SERTAD4: variants seen among roughly 807,000 people sequenced by gnomAD.
SERTAD4 encodes SERTA domain containing 4, also known as SERTA domain-containing protein 4.
A neutral mutation model predicts 32.9 loss-of-function variants in SERTAD4; 18 were observed. The ratio of observed to expected loss-of-function variants is 0.55; its 90% CI spans 0.38 to 0.81. The LOEUF is 0.81. Ranked by LOEUF, SERTAD4 falls within the 30% of genes least tolerant of loss-of-function variation. The pLI, the probability that SERTAD4 is intolerant of heterozygous loss-of-function variation, is 0.00. For missense variants in SERTAD4, 383 were observed against 426.0 expected (o/e 0.90, Z 0.89); for synonymous variants, 150 against 156.4 (o/e 0.96, Z 0.30).
chr1:210,238,155 C>A lies in SERTAD4; in HGVS notation c.175+20C>A. 1.4e-6 allele frequency: 2 copies of A among 1,463,224 alleles called. No individual in the cohort carries two copies. Among genetic ancestry groups the A allele is most frequent in the Non-Finnish European group, 1.9e-6 (2 of 1,070,848 alleles). The allele number at this position is 1,463,224 out of a possible 1,614,324, so 90.6% of individuals were successfully genotyped here. On this transcript the variant is annotated intron_variant, in intron 2 of 3. Coordinates refer to ENST00000367012, the MANE Select transcript of SERTAD4 (RefSeq NM_019605.5). Reference sequence around the variant, plus strand: ...TGGCAGGTATTGCCCTTGACCTGCGCCCATCCCCCCCACCCCTCGCTGCCC... The same window carrying A: ...TGGCAGGTATTGCCCTTGACCTGCGACCATCCCCCCCACCCCTCGCTGCCC...
intron 2 of SERTAD4, among the ~76,000 whole-genome samples, chr1:210,238,895 T>G (rs896028828): frequency 2.0e-5 from 3 of 152,198 alleles, no homozygotes; most frequent in Non-Finnish European, 4.4e-5. Context: ...TAAAAAAGAT[T>G]AAAAACTGTG....
chr1:210,239,732 G>A, intron 3 of SERTAD4, 124 bp downstream of exon 3: 3 of 575,556 alleles, frequency 5.2e-6, no homozygotes, highest in Admixed American at 4.0e-5. Flanking sequence ...CTTCTCAGTG[G>A]AGCCTCATTA....
Position 210,238,090 on chromosome 1 carries a change from C to A in SERTAD4, c.130C>A (p.Gln44Lys). ...YGGPSPPGPA[Q>K]APLQGDRGAG... Reference sequence around the variant, plus strand: ...AGGCCCAAGCCCCCCAGGGCCAGCACAAGCTCCTTTGCAGGGAGACCGGGG... The same window carrying A: ...AGGCCCAAGCCCCCCAGGGCCAGCAAAAGCTCCTTTGCAGGGAGACCGGGG... The change falls in exon 2 of 4, where the codon CAA becomes AAA. Residue 44 changes from glutamine (Q) to lysine (K), a missense_variant. By Grantham distance (53) the Gln-to-Lys change is moderately conservative (BLOSUM62 1). Around this residue, in one of 3 missense-constraint regions of SERTAD4, gnomAD observed 96 missense variants for 76.6 expected, o/e 1.25. Transcript: ENST00000367012. The A allele has an allele frequency of 6.2e-7, 1 of 1,613,192 alleles. No individual in the cohort carries two copies. Among genetic ancestry groups the A allele is most frequent in the Non-Finnish European group, 8.5e-7 (1 of 1,179,748 alleles).
chr1:210,244,033 T>A lies in SERTAD4; in HGVS notation c.*1696T>A, dbSNP rs1447269004. On this transcript the variant is annotated 3_prime_UTR_variant, in exon 4 of 4. Coordinates refer to ENST00000367012, the MANE Select transcript of SERTAD4 (RefSeq NM_019605.5). Reference sequence around the variant, plus strand: ...GTTCAAAACTTAGCTAATAGATGCTTGTATATGAATGTGTTGTAATAAAGT... The same window carrying A: ...GTTCAAAACTTAGCTAATAGATGCTAGTATATGAATGTGTTGTAATAAAGT... 1 of 152,220 alleles carries A rather than the reference T, an allele frequency of 6.6e-6. No individual in the cohort carries two copies. The highest frequency in any genetic ancestry group is 1.9e-4 in the East Asian group (1 of 5,206). 9.4% of individuals were successfully genotyped at this position (152,220 alleles called of 1,614,324 possible).
rs899955905 is a variant in SERTAD4, at chr1:210,242,517, G to A, written c.*180G>A. ...ACATCTGTATAGCAGGCATCAGCGA[G>A]CTTCTTATAAATGTGGTGATTTTTA... On this transcript the variant is annotated 3_prime_UTR_variant, in exon 4 of 4. Transcript: ENST00000367012. The surrounding 1 kb of genome is among the most constrained non-coding windows in gnomAD (Gnocchi z 4.0). 64 of 1,336,484 alleles carry A rather than the reference G, an allele frequency of 4.8e-5. No individual in the cohort carries two copies. The highest frequency in any genetic ancestry group is 5.4e-4 in the Middle Eastern group (2 of 3,724). 82.8% of individuals were successfully genotyped at this position (1,336,484 alleles called of 1,614,324 possible). A position where few individuals can be genotyped will look rare whatever the true frequency, so the allele number is the denominator to read the frequency against.
downstream of SERTAD4, chr1:210,246,309 T>A (rs1312595001): frequency 6.5e-6 from 1 of 152,912 alleles, no homozygotes; most frequent in East Asian, 1.9e-4. Flanking sequence ...TATATTATCT[T>A]GACATGGCTA....
chr1:210,241,527 T>TC, intron 3 of SERTAD4, 31 bp from the exon 4 acceptor site: 2 of 1,395,930 alleles, frequency 1.4e-6, no homozygotes, highest in Non-Finnish European at 1.8e-6. Flanking sequence ...TTTCTGTTTG[T>TC]TTTTTTCTTT....
downstream of SERTAD4, chr1:210,246,390 C>G (rs1328052576): frequency 2.4e-5 from 4 of 165,858 alleles, no homozygotes; most frequent in Non-Finnish European, 3.7e-5. Context: ...GAGATTATTT[C>G]CCAGCCTTGG....
intron 1 of SERTAD4, 84 bp from the exon 2 acceptor site, chr1:210,237,860 A>C: frequency 1.9e-6 from 2 of 1,046,018 alleles, no homozygotes; most frequent in South Asian, 3.0e-5. Flanking sequence ...AAAGCAAAGA[A>C]ATGAAGATGC....
rs902534489 is a variant in SERTAD4, at chr1:210,245,703, G to T, written c.*3366G>T. The T allele has an allele frequency of 6.1e-6, 3 of 495,434 alleles. No individual in the cohort carries two copies. Among genetic ancestry groups the T allele is most frequent in the Non-Finnish European group, 7.8e-6 (3 of 382,496 alleles). The allele number at this position is 495,434 out of a possible 1,614,324, so 30.7% of individuals were successfully genotyped here. A position where few individuals can be genotyped will look rare whatever the true frequency, so the allele number is the denominator to read the frequency against. The stretch of plus-strand genomic sequence containing the variant: ...AAGGGAATGAAAGTATTTATTTTTA[G>T]AGCTCATAGTTAACTCCATCAAGAC... On this transcript the variant is annotated 3_prime_UTR_variant, in exon 4 of 4. Transcript: ENST00000367012.
chr1:210,238,159 T>C, intron 2 of SERTAD4, 24 bp downstream of exon 2: 2 of 1,291,892 alleles, frequency 1.5e-6, no homozygotes, highest in Non-Finnish European at 2.2e-6. Context: ...CCTGCGCCCA[T>C]CCCCCCCACC....
chr1:210,235,206 T>A (rs1224452440), intron 1 of SERTAD4, among the ~76,000 whole-genome samples: 2 of 152,262 alleles, frequency 1.3e-5, no homozygotes, highest in Non-Finnish European at 2.9e-5. Context: ...GGACTTGAAT[T>A]GCTGACGTCA....
rs1186693184 is a variant in SERTAD4, at chr1:210,243,041, A to T, written c.*704A>T. 26 of 970,216 alleles carry T rather than the reference A, an allele frequency of 2.7e-5. No homozygotes were observed. The highest frequency in any genetic ancestry group is 3.1e-5 in the Non-Finnish European group (26 of 826,030). The allele number at this position is 970,216 out of a possible 1,614,324, so 60.1% of individuals were successfully genotyped here. A position where few individuals can be genotyped will look rare whatever the true frequency, so the allele number is the denominator to read the frequency against. On this transcript the variant is annotated 3_prime_UTR_variant, in exon 4 of 4. Coordinates refer to ENST00000367012, the MANE Select transcript of SERTAD4 (RefSeq NM_019605.5). ...CTTACTTTTATCTTAATTTTTGCCA[A>T]TGTGAAAATTAAGGATAAATCAGAG...
intron 1 of SERTAD4, among the ~76,000 whole-genome samples, chr1:210,235,894 T>C (rs1033920211): frequency 5.3e-5 from 8 of 152,242 alleles, no homozygotes; most frequent in African/African-American, 1.9e-4. Flanking sequence ...ATTCCCATGA[T>C]CTAACACAAA....
intron 1 of SERTAD4, among the ~76,000 whole-genome samples, chr1:210,236,587 C>G (rs1274846566): frequency 6.6e-6 from 1 of 152,024 alleles, no homozygotes; most frequent in Non-Finnish European, 1.5e-5. Context: ...CTTGTTATAG[C>G]ATGTAGGTAA....
Position 210,238,055 on chromosome 1 carries a change from A to G in SERTAD4, c.95A>G (p.Asp32Gly). 1.2e-6 allele frequency: 2 copies of G among 1,613,872 alleles called. No homozygotes were observed. The highest frequency in any genetic ancestry group is 2.2e-5 in the South Asian group (2 of 91,054). Residue 32 changes from aspartate (D) to glycine (G), a missense_variant, in exon 2 of 4, where the codon GAC becomes GGC. This residue lies in a region of SERTAD4 where 96 missense variants were observed against 76.6 expected (regional missense o/e 1.25). Transcript: ENST00000367012. ...GGGTACCAAACACTATGGGAGGCTG[A>G]CAGCTACGGAGGCCCAAGCCCCCCA... The part of the protein sequence containing the change: ...IAGYQTLWEA[D>G]SYGGPSPPGP...
chr1:210,233,928 G>A, intron 1 of SERTAD4: 1 of 428,168 alleles, frequency 2.3e-6, no homozygotes, highest in Admixed American at 3.3e-5. Flanking sequence ...CAGCCGCTGT[G>A]AGTCATTTCC....
chr1:210,236,602 A>G (rs2083942852), intron 1 of SERTAD4, among the ~76,000 whole-genome samples: 1 of 152,188 alleles, frequency 6.6e-6, no homozygotes, highest in African/African-American at 2.4e-5. Context: ...AGGTAATAAT[A>G]GTCTCCCACG....
chr1:210,241,075 T>TCGTGGTTAGTTACATACC (rs2083989582), intron 3 of SERTAD4, among the ~76,000 whole-genome samples: 1 of 151,624 alleles, frequency 6.6e-6, no homozygotes, highest in South Asian at 2.1e-4. Context: ...TTTCATGAGG[T>TCGTGGTTAGTTACATACC]CATGTAACTA....
Sources: gnomAD v4.1 joint callset for allele counts (sites outside exome capture counted in the v4.1 genomes callset) on GRCh38, gnomAD v4.1.1 for gene constraint, gnomAD v4.1.1 regional missense constraint, Gnocchi (gnomAD v3.1) non-coding constraint, MANE v1.5 for transcripts, NCBI Gene and HGNC (gene_info 2026-07-23, HGNC 2026-07-21) for gene names.